Variants in PAGE2B observed in about 807,000 individuals in gnomAD.
PAGE2B encodes PAGE family member 2B, also known as putative G antigen family E member 3.
Under a neutral mutation model 7.6 loss-of-function variants are expected in PAGE2B, and 5 were observed. The observed-to-expected ratio is 0.66, with a 90% CI of 0.34 to 1.38. The LOEUF (loss-of-function observed/expected upper bound fraction) is 1.38. PAGE2B is among the 40% of genes most tolerant of loss of function. The pLI is 0.04. For missense variants in PAGE2B, 70 were observed against 78.4 expected (o/e 0.89, Z 0.41); for synonymous variants, 29 against 26.7 (o/e 1.09, Z -0.27).
the PAGE2B span, among the ~76,000 whole-genome samples, chrX:55,048,307 C>T: frequency 1.8e-5 from 2 of 111,504 alleles, no homozygotes; most frequent in Admixed American, 9.6e-5. Context: ...CAGTTCCATA[C>T]GAACTTTAAA....
the PAGE2B span, among the ~76,000 whole-genome samples, chrX:55,040,664 A>G: frequency 9.0e-6 from 1 of 111,269 alleles, no homozygotes; most frequent in African/African-American, 3.3e-5. Context: ...GGTGGGGAGA[A>G]TGGAAGTTAC....
the PAGE2B span, among the ~76,000 whole-genome samples, chrX:55,050,459 C>T: frequency 9.2e-6 from 1 of 108,615 alleles, no homozygotes; most frequent in Non-Finnish European, 1.9e-5. Context: ...CTTTGTAGGT[C>T]ACTCAGGACT....
rs1471907393 is a variant in PAGE2B, at chrX:55,077,405, A to G, written c.200A>G (p.Asp67Gly). ...NEGAPAVQGP[D>G]MEAFQQELAL... ...GACCTTTTTATCTTTTAAGGGCCTG[A>G]CATGGAAGCTTTTCAACAGGAACTG... is the stretch of plus-strand genomic sequence containing the variant. Residue 67 changes from aspartate to glycine, a missense_variant, in exon 4 of 5, where the codon GAC becomes GGC. Asp to Gly is a moderately conservative substitution (Grantham distance 94, BLOSUM62 -1). Coordinates refer to ENST00000374971, the MANE Select transcript of PAGE2B (RefSeq NM_001015038.3). 8.3e-7 allele frequency: 1 copy of G among 1,209,079 alleles called. No homozygotes were observed. The highest frequency in any genetic ancestry group is 2.2e-5 in the Admixed American group (1 of 45,658).
At chrX:55,052,441 C>T in the PAGE2B span, among the ~76,000 whole-genome samples, 1 of 112,718 alleles carries the variant, frequency 8.9e-6, no homozygotes, top group Non-Finnish European at 1.9e-5. Context: ...CCTTCTTGAG[C>T]TGTGGTGGGC....
At chrX:55,031,699 A>T in the PAGE2B span, among the ~76,000 whole-genome samples, 1 of 110,677 alleles carries the variant, frequency 9.0e-6, no homozygotes. Context: ...CAGAACCCAC[A>T]CTCTTCTCTT....
upstream of PAGE2B, among the ~76,000 whole-genome samples, chrX:55,072,715 C>T (rs73490454): frequency 0.069 from 7,718 of 112,361 alleles, 608 homozygotes; most frequent in African/African-American, 0.23. Flanking sequence ...ATGGCAGTTT[C>T]ATCTATATGC....
At chrX:55,068,042 C>A in the PAGE2B span, among the ~76,000 whole-genome samples, 2 of 112,425 alleles carry the variant, frequency 1.8e-5, no homozygotes, top group Non-Finnish European at 3.8e-5. Flanking sequence ...TTTTGCTGTG[C>A]AGAAGCTCTT....
upstream of PAGE2B, among the ~76,000 whole-genome samples, chrX:55,073,336 C>T (rs1456555008): frequency 9.0e-6 from 1 of 111,077 alleles, no homozygotes; most frequent in Non-Finnish European, 1.9e-5. Flanking sequence ...TTACACTTCA[C>T]GGGTAGGCGA....
chrX:55,037,460 G>T, the PAGE2B span, among the ~76,000 whole-genome samples: 3 of 110,884 alleles, frequency 2.7e-5, no homozygotes, highest in East Asian at 5.7e-4. Flanking sequence ...GGTGGGACTG[G>T]AAACTAGTTC....
the PAGE2B span, among the ~76,000 whole-genome samples, chrX:55,032,907 C>A: frequency 8.1e-5 from 9 of 111,595 alleles, no homozygotes; most frequent in African/African-American, 2.9e-4. Context: ...ACCTTGACCT[C>A]CAACTCTTTA....
At chrX:55,070,744 T>C, upstream of PAGE2B, among the ~76,000 whole-genome samples, 1 of 112,090 alleles carries the variant, frequency 8.9e-6, no homozygotes. Flanking sequence ...ATATTTAGAA[T>C]AGTTAGCTTT....
chrX:55,035,764 T>G, the PAGE2B span, among the ~76,000 whole-genome samples: 1 of 112,335 alleles, frequency 8.9e-6, no homozygotes, highest in South Asian at 3.7e-4. Flanking sequence ...ACTGATAATA[T>G]CTACTTTATA....
chrX:55,039,869 G>A, the PAGE2B span, among the ~76,000 whole-genome samples: 1 of 111,755 alleles, frequency 8.9e-6, no homozygotes, highest in Non-Finnish European at 1.9e-5. Flanking sequence ...CTTCTTCACT[G>A]TCACTTGCTT....
rs1936535320 is a variant in PAGE2B at position 55,077,483 on chromosome X, G to A, written c.278G>A (p.Gly93Glu). 1 of 1,210,486 alleles carries A rather than the reference G, an allele frequency of 8.3e-7. No individual in the cohort carries two copies. The highest frequency in any genetic ancestry group is 1.7e-5 in the African/African-American group (1 of 57,297). Residue 93 changes from glycine to glutamate, a missense_variant, in exon 4 of 5, where the codon GGG becomes GAG. Gly to Glu is a moderately conservative substitution (Grantham distance 98). Transcript: ENST00000374971. ...GGAGATGGTCCTGATGTCAGGGAGG[G>A]GATTATGCCCACTTTTGATCTCACT... The part of the protein sequence containing the change: ...EPGDGPDVRE[G>E]IMPTFDLTKV...
At chrX:55,028,564 A>C in the PAGE2B span, among the ~76,000 whole-genome samples, 1 of 111,649 alleles carries the variant, frequency 9.0e-6, no homozygotes, top group Non-Finnish European at 1.9e-5. Context: ...CATCATTACT[A>C]GGGGGCTTTT....
At chrX:55,040,046 T>C in the PAGE2B span, among the ~76,000 whole-genome samples, 2 of 98,250 alleles carry the variant, frequency 2.0e-5, no homozygotes, top group African/African-American at 4.2e-5. Flanking sequence ...CAATATTTTC[T>C]TTTTTTTTTT....
chrX:55,036,441 C>T, the PAGE2B span, among the ~76,000 whole-genome samples: 2 of 111,072 alleles, frequency 1.8e-5, no homozygotes, highest in South Asian at 7.6e-4. Flanking sequence ...GTGGGTTTGT[C>T]ATAGATAGCT....
At chrX:55,060,097 A>C in the PAGE2B span, among the ~76,000 whole-genome samples, 2 of 111,768 alleles carry the variant, frequency 1.8e-5, no homozygotes, top group African/African-American at 3.2e-5. Flanking sequence ...TGCAATGAAC[A>C]TGGAAGTGCA....
At chrX:55,076,338 ATG>A (rs1450091919) in intron 2 of PAGE2B, among the ~76,000 whole-genome samples, 3 of 104,758 alleles carry the variant, frequency 2.9e-5, no homozygotes, top group Admixed American at 1.0e-4. Context: ...ATATATATAT[ATG>A]TGTGTGTGTG....
Sources: allele counts gnomAD v4.1 joint callset (sites outside exome capture counted in the v4.1 genomes callset), GRCh38; gene constraint gnomAD v4.1.1; transcripts MANE v1.5; gene names NCBI Gene and HGNC (gene_info 2026-07-23, HGNC 2026-07-21).